The following CCDC102B variants were observed in gnomAD, a reference collection of about 807,000 sequenced individuals.
CCDC102B encodes coiled-coil domain containing 102B.
Under a neutral mutation model 57.4 loss-of-function variants are expected in CCDC102B, and 75 were observed. The observed-to-expected ratio is 1.31, with a 90% CI of 1.08 to 1.58. The LOEUF (loss-of-function observed/expected upper bound fraction) is 1.58, where lower values mean the gene tolerates loss of function less well. Ranked by LOEUF, CCDC102B falls within the 40% of genes most tolerant of loss-of-function variation. The probability of loss-of-function intolerance (pLI) is 0.00; values close to 1 mark genes in which losing one functional copy is unlikely to be tolerated. For synonymous variants in CCDC102B, 206 were observed against 201.9 expected (o/e 1.02, Z -0.17); for missense variants, 636 against 582.6 (o/e 1.09, Z -0.94).
chr18:68,806,641 A>G (rs1351210013), intron 1 of CCDC102B, among the ~76,000 whole-genome samples: 2 of 152,182 alleles, frequency 1.3e-5, no homozygotes, highest in Admixed American at 6.5e-5. Context: ...CTTAAAGTCT[A>G]TTGGATGCTC....
rs142156978 is a variant in CCDC102B, at chr18:68,958,564, C to A, written c.1264-52370C>A. ...GATATTGATATTGACCTATAGTTTT[C>A]TTTTATTATCTCTTTGAATAAAACT... On this transcript the variant is annotated intron_variant, in intron 6 of 7. Coordinates refer to ENST00000360242, the MANE Select transcript of CCDC102B (RefSeq NM_024781.3). Among the ~76,000 whole-genome samples the A allele has an allele frequency of 4.7e-3, 712 of 152,180 alleles. 4 individuals carry two copies. Among genetic ancestry groups the A allele is most frequent in the African/African-American group, 0.016 (647 of 41,546 alleles).
intron 1 of CCDC102B, among the ~76,000 whole-genome samples, chr18:68,801,809 G>A (rs2035863515): frequency 6.6e-6 from 1 of 152,090 alleles, no homozygotes; most frequent in African/African-American, 2.4e-5. Context: ...AGTTTTGAGA[G>A]TCTTTCATAC....
intron 1 of CCDC102B, among the ~76,000 whole-genome samples, chr18:68,819,030 A>C (rs1298316630): frequency 6.6e-6 from 1 of 152,110 alleles, no homozygotes; most frequent in Non-Finnish European, 1.5e-5. Flanking sequence ...ATGCACGCTT[A>C]ATGCATTCTT....
chr18:68,772,091 G>T (rs886451410), intron 2 of CCDC102B, among the ~76,000 whole-genome samples: 4 of 152,128 alleles, frequency 2.6e-5, no homozygotes, highest in Non-Finnish European at 5.9e-5. Flanking sequence ...AAAGTCAAAT[G>T]TAAGGAGGAG....
intron 5 of CCDC102B, among the ~76,000 whole-genome samples, chr18:68,880,691 T>A (rs1050609718): frequency 1.1e-4 from 17 of 152,250 alleles, no homozygotes; most frequent in African/African-American, 2.7e-4. Context: ...GTAAATTGTT[T>A]CTCTCAAATA....
At chr18:69,025,462 T>C (rs1266940099) in intron 7 of CCDC102B, among the ~76,000 whole-genome samples, 1 of 152,198 alleles carries the variant, frequency 6.6e-6, no homozygotes, top group African/African-American at 2.4e-5. Context: ...TAAGGTGTGA[T>C]AGTGTTGAGA....
chr18:68,911,601 A>G (rs1181534122), intron 6 of CCDC102B, among the ~76,000 whole-genome samples: 22 of 149,762 alleles, frequency 1.5e-4, no homozygotes, highest in Non-Finnish European at 2.2e-4. Context: ...AAATACAAAA[A>G]ATTAGCCGGG....
intron 6 of CCDC102B, among the ~76,000 whole-genome samples, chr18:68,936,084 C>T (rs1223546365): frequency 6.6e-6 from 1 of 151,878 alleles, no homozygotes; most frequent in African/African-American, 2.4e-5. Flanking sequence ...CACAAAATTA[C>T]TTAATATTTT....
intron 2 of CCDC102B, among the ~76,000 whole-genome samples, chr18:68,772,177 A>G (rs2034661788): frequency 6.6e-6 from 1 of 152,202 alleles, no homozygotes; most frequent in Non-Finnish European, 1.5e-5. Context: ...TTGAACTGTC[A>G]ATCAAAATTA....
intron 2 of CCDC102B, among the ~76,000 whole-genome samples, chr18:68,751,782 G>T (rs760839072): frequency 1.3e-5 from 2 of 152,108 alleles, no homozygotes; most frequent in Non-Finnish European, 2.9e-5. Flanking sequence ...AGGAAAGAAA[G>T]ATGGGAAAAA....
At chr18:68,730,879 A>C (rs1027039375) in intron 2 of CCDC102B, among the ~76,000 whole-genome samples, 2 of 152,226 alleles carry the variant, frequency 1.3e-5, no homozygotes, top group Admixed American at 6.5e-5. Flanking sequence ...GGACTGAGTA[A>C]TAAGATTTCA....
intron 2 of CCDC102B, among the ~76,000 whole-genome samples, chr18:68,744,131 A>G (rs1200661265): frequency 6.6e-6 from 1 of 152,162 alleles, no homozygotes; most frequent in Non-Finnish European, 1.5e-5. Flanking sequence ...GCAATTTATT[A>G]TTTTAATATC....
chr18:68,892,284 T>G (rs2040107018), intron 5 of CCDC102B, among the ~76,000 whole-genome samples: 2 of 152,126 alleles, frequency 1.3e-5, no homozygotes, highest in African/African-American at 2.4e-5. Flanking sequence ...CTAATCTCCT[T>G]TATTACATTT....
chr18:68,730,593 A>G (rs911701599), intron 2 of CCDC102B, among the ~76,000 whole-genome samples: 40 of 152,326 alleles, frequency 2.6e-4, no homozygotes, highest in African/African-American at 9.4e-4. Context: ...TGACTAGAAC[A>G]CTTATGATCT....
intron 6 of CCDC102B, among the ~76,000 whole-genome samples, chr18:68,906,253 C>A (rs2040638271): frequency 6.6e-6 from 1 of 152,152 alleles, no homozygotes; most frequent in Non-Finnish European, 1.5e-5. Flanking sequence ...GTTTCTACCT[C>A]TAGCTCTTTT....
At chr18:68,879,285 T>TA (rs1331483193) in intron 5 of CCDC102B, among the ~76,000 whole-genome samples, 2 of 152,170 alleles carry the variant, frequency 1.3e-5, no homozygotes, top group Non-Finnish European at 2.9e-5. Context: ...TTACAGCTCA[T>TA]AAAAGCAGTG....
At chr18:68,864,288 C>G (rs1214879649) in intron 4 of CCDC102B, among the ~76,000 whole-genome samples, 4 of 151,796 alleles carry the variant, frequency 2.6e-5, no homozygotes, top group African/African-American at 4.8e-5. Flanking sequence ...CCTATATTTT[C>G]TATTCTTTCA....
At chr18:68,964,982 G>T (rs979997874) in intron 6 of CCDC102B, among the ~76,000 whole-genome samples, 2 of 151,886 alleles carry the variant, frequency 1.3e-5, no homozygotes, top group South Asian at 2.1e-4. Flanking sequence ...ATAGGTAAAG[G>T]GTTATTTTCT....
chr18:69,016,842 T>C (rs1295839991), intron 7 of CCDC102B, among the ~76,000 whole-genome samples: 1 of 152,152 alleles, frequency 6.6e-6, no homozygotes, highest in African/African-American at 2.4e-5. Flanking sequence ...GTTTTCTAAG[T>C]GGAATTTCTT....
Sources: gnomAD v4.1 joint callset for allele counts (sites outside exome capture counted in the v4.1 genomes callset) on GRCh38, gnomAD v4.1.1 for gene constraint, MANE v1.5 for transcripts, NCBI Gene and HGNC (gene_info 2026-07-23, HGNC 2026-07-21) for gene names.